Variants in RIMS2 observed in about 807,000 individuals in gnomAD.
RIMS2 encodes regulating synaptic membrane exocytosis protein 2.
RIMS2 carries 59 observed loss-of-function variants against 174.4 expected under a neutral mutation model. That is an observed-to-expected ratio of 0.34 (90% CI 0.27 to 0.42). RIMS2 has a LOEUF of 0.42. Ranked by LOEUF, RIMS2 falls within the 10% of genes least tolerant of loss-of-function variation. RIMS2 has a pLI of 1.00. For missense variants in RIMS2, 1,620 were observed against 1,666.3 expected (o/e 0.97, Z 0.48); for synonymous variants, 606 against 572.5 (o/e 1.06, Z -0.84).
chr8:103,685,210 G>A (rs1030710616), intron 1 of RIMS2, among the ~76,000 whole-genome samples: 1 of 151,606 alleles, frequency 6.6e-6, no homozygotes, highest in African/African-American at 2.4e-5. Context: ...TTTGGCTCAT[G>A]GTTCTGCAAG....
intron 1 of RIMS2, among the ~76,000 whole-genome samples, chr8:103,637,791 C>A (rs2096123906): frequency 6.6e-6 from 1 of 151,646 alleles, no homozygotes; most frequent in South Asian, 2.1e-4. Flanking sequence ...TACTGACTTT[C>A]TTTTCCAGGA....
At chr8:103,713,556 C>T (rs2097334073) in intron 2 of RIMS2, among the ~76,000 whole-genome samples, 1 of 152,104 alleles carries the variant, frequency 6.6e-6, no homozygotes, top group Non-Finnish European at 1.5e-5. Context: ...TTTATCATTT[C>T]CTGTCTCTCT....
At chr8:103,646,640 A>G (rs2096339930) in intron 1 of RIMS2, among the ~76,000 whole-genome samples, 1 of 152,100 alleles carries the variant, frequency 6.6e-6, no homozygotes, top group Non-Finnish European at 1.5e-5. Flanking sequence ...ATAAGTGAGA[A>G]CATATGGTAT....
chr8:103,526,241 A>G (rs1833932775), intron 1 of RIMS2, among the ~76,000 whole-genome samples: 1 of 152,232 alleles, frequency 6.6e-6, no homozygotes, highest in Non-Finnish European at 1.5e-5. Context: ...GTCCACATAC[A>G]GAGGAAAACC....
chr8:103,605,829 G>C (rs2095045460), intron 1 of RIMS2, among the ~76,000 whole-genome samples: 3 of 151,846 alleles, frequency 2.0e-5, no homozygotes, highest in Admixed American at 2.0e-4. Context: ...TTGTATTTCT[G>C]TCGGATTGGT....
At chr8:103,966,885 A>T (rs1355020177) in intron 15 of RIMS2, among the ~76,000 whole-genome samples, 2 of 151,886 alleles carry the variant, frequency 1.3e-5, no homozygotes, top group East Asian at 3.9e-4. Flanking sequence ...GTTATTTAGA[A>T]ATATATTATT....
At chr8:103,664,539 T>C (rs1043752271) in intron 1 of RIMS2, among the ~76,000 whole-genome samples, 1 of 152,170 alleles carries the variant, frequency 6.6e-6, no homozygotes, top group African/African-American at 2.4e-5. Context: ...TCATCATCAC[T>C]GGTCATTAGG....
At chr8:103,739,196 G>T (rs111817038) in intron 2 of RIMS2, among the ~76,000 whole-genome samples, 4,746 of 152,256 alleles carry the variant, frequency 0.031, 99 homozygotes, top group Middle Eastern at 0.065. Flanking sequence ...ATACTATGCA[G>T]CCATAAAAAA....
At chr8:104,060,973 G>T (rs528093820) in intron 19 of RIMS2, among the ~76,000 whole-genome samples, 1 of 152,234 alleles carries the variant, frequency 6.6e-6, no homozygotes, top group Non-Finnish European at 1.5e-5. Context: ...ATTTGCTGAG[G>T]AGAGCTTTAC....
chr8:103,621,148 G>A, intron 1 of RIMS2, among the ~76,000 whole-genome samples: 1 of 152,126 alleles, frequency 6.6e-6, no homozygotes, highest in African/African-American at 2.4e-5. Flanking sequence ...GTTCCTTATT[G>A]CCATAAAGAA....
intron 1 of RIMS2, among the ~76,000 whole-genome samples, chr8:103,577,736 G>T (rs559667628): frequency 6.6e-6 from 1 of 152,210 alleles, no homozygotes; most frequent in Admixed American, 6.5e-5. Context: ...AATCATCAGA[G>T]AAATTTGACA....
At chr8:104,223,566 G>A in intron 19 of RIMS2, 1 of 1,451,136 alleles carries the variant, frequency 6.9e-7, no homozygotes, top group African/African-American at 1.4e-5. Flanking sequence ...CTGGCCCACT[G>A]GTCCCGGAAC....
At chr8:103,624,170 G>A (rs1472561661) in intron 1 of RIMS2, among the ~76,000 whole-genome samples, 1 of 152,178 alleles carries the variant, frequency 6.6e-6, no homozygotes, top group Non-Finnish European at 1.5e-5. Flanking sequence ...CTTGAGGTGT[G>A]TCTGTGAATG....
intron 7 of RIMS2, among the ~76,000 whole-genome samples, 197 bp downstream of exon 10, chr8:103,915,791 A>T (rs2076532895): frequency 6.6e-6 from 1 of 151,964 alleles, no homozygotes; most frequent in African/African-American, 2.4e-5. Flanking sequence ...ATTTGACTTT[A>T]TCTTACTTTT....
Position 103,512,362 on chromosome 8 carries a change from G to A in RIMS2, c.176+11300G>A, listed in dbSNP as rs150936509. ...AGGCAGTAAATTTATAGTAGGCTAT[G>A]TTATCCCCAATATTCGTATCTTAAA... On this transcript the variant is annotated intron_variant, in intron 1 of 23. Coordinates refer to ENST00000504942, the Ensembl canonical transcript of RIMS2. Among the ~76,000 whole-genome samples the A allele has an allele frequency of 7.0e-3, 1,062 of 152,268 alleles. 7 individuals carry two copies. The highest frequency in any genetic ancestry group is 0.024 in the African/African-American group (1,008 of 41,564).
intron 7 of RIMS2, among the ~76,000 whole-genome samples, chr8:103,916,135 G>A (rs1033954118): frequency 3.3e-5 from 5 of 152,016 alleles, no homozygotes; most frequent in African/African-American, 1.2e-4. Context: ...GGAGGCAACT[G>A]ATTTTGATAG....
chr8:103,675,186 A>G (rs1210667801), intron 1 of RIMS2, among the ~76,000 whole-genome samples: 1 of 152,194 alleles, frequency 6.6e-6, no homozygotes, highest in Non-Finnish European at 1.5e-5. Flanking sequence ...TGCTAGGATT[A>G]CAGACATGAG....
intron 1 of RIMS2, among the ~76,000 whole-genome samples, chr8:103,564,129 CAGG>C (rs1025741856): frequency 1.3e-5 from 2 of 152,190 alleles, no homozygotes; most frequent in African/African-American, 4.8e-5. Flanking sequence ...TTCTCCTGCA[CAGG>C]AGAAGAACAT....
intron 2 of RIMS2, among the ~76,000 whole-genome samples, chr8:103,754,684 T>C (rs1248775287): frequency 3.9e-5 from 6 of 152,204 alleles, no homozygotes; most frequent in African/African-American, 1.4e-4. Context: ...CATTATATAA[T>C]GGCCTTCTTT....
Sources: allele counts gnomAD v4.1 joint callset (sites outside exome capture counted in the v4.1 genomes callset), GRCh38; gene constraint gnomAD v4.1.1; transcripts MANE v1.5; gene names NCBI Gene and HGNC (gene_info 2026-07-23, HGNC 2026-07-21).